Variants in SUMF1 observed in about 807,000 individuals in gnomAD.
SUMF1 encodes the protein sulfatase modifying factor 1.
In SUMF1, 48 loss-of-function variants were observed where a neutral mutation model predicts 47.6. That is an observed-to-expected ratio of 1.01 (90% CI 0.80 to 1.28). The LOEUF (loss-of-function observed/expected upper bound fraction) is 1.28, where lower values mean the gene tolerates loss of function less well. SUMF1 is among the 50% of genes most tolerant of loss of function. SUMF1 has a pLI of 0.00. For synonymous variants in SUMF1, 230 were observed against 192.1 expected (o/e 1.20, Z -1.63); for missense variants, 571 against 485.4 (o/e 1.18, Z -1.66).
In SUMF1 at chr3:4,404,694, G is replaced by A. The variant is rs528235149; in HGVS notation, c.954+6171C>T. On this transcript the variant is annotated intron_variant, in intron 7 of 8. Transcript: ENST00000272902. The stretch of plus-strand genomic sequence containing the variant: ...CAGGAGAATCGCTTGAACCCAGGAG[G>A]TGGAGGTTGCAGTGAGCTGAGATAG... Among the ~76,000 whole-genome samples the A allele has an allele frequency of 1.6e-4, 24 of 152,334 alleles. No homozygotes were observed. In the South Asian group the frequency reaches 4.8e-3, roughly 30 times the overall value.
chr3:4,383,250 A>G (rs975006215), intron 7 of SUMF1, among the ~76,000 whole-genome samples: 1 of 152,054 alleles, frequency 6.6e-6, no homozygotes, highest in Non-Finnish European at 1.5e-5. Context: ...GTGGTGGTAC[A>G]CACCTATAAT....
intron 8 of SUMF1, among the ~76,000 whole-genome samples, chr3:4,353,839 C>A (rs993412708): frequency 6.6e-6 from 1 of 150,624 alleles, no homozygotes; most frequent in African/African-American, 2.5e-5. Context: ...ACTTGGACAT[C>A]ATATTGATTT....
chr3:4,039,680 G>A (rs1694874232), intron 9 of SUMF1, among the ~76,000 whole-genome samples: 1 of 151,910 alleles, frequency 6.6e-6, no homozygotes, highest in South Asian at 2.1e-4. Flanking sequence ...GGTGAAGAAA[G>A]CTCAATATTC....
chr3:4,340,158 G>C (rs187282847), intron 8 of SUMF1, among the ~76,000 whole-genome samples: 3 of 151,862 alleles, frequency 2.0e-5, no homozygotes, highest in African/African-American at 7.3e-5. Flanking sequence ...CCCCAACTCC[G>C]GAGTTGTTAA....
At chr3:4,186,919 A>C (rs550316318) in intron 8 of SUMF1, among the ~76,000 whole-genome samples, 64 of 152,292 alleles carry the variant, frequency 4.2e-4, no homozygotes, top group African/African-American at 1.3e-3. Flanking sequence ...ATATACCCCA[A>C]AACCAGACAT....
intron 8 of SUMF1, among the ~76,000 whole-genome samples, chr3:4,350,052 G>A (rs1559237278): frequency 6.6e-6 from 1 of 150,444 alleles, no homozygotes; most frequent in Non-Finnish European, 1.5e-5. Flanking sequence ...CCAGGCTGGA[G>A]CGCAGTGGCA....
At chr3:4,221,414 G>GGTGTGTGTGTGT (rs113359661) in intron 8 of SUMF1, among the ~76,000 whole-genome samples, 5 of 148,092 alleles carry the variant, frequency 3.4e-5, no homozygotes, top group African/African-American at 1.2e-4. Flanking sequence ...GGTTTTTTGG[G>GGTGTGTGTGTGT]GTGTGTGTGT....
intron 9 of SUMF1, among the ~76,000 whole-genome samples, chr3:4,049,145 C>G (rs1459167118): frequency 3.9e-5 from 6 of 152,156 alleles, no homozygotes; most frequent in Non-Finnish European, 8.8e-5. Context: ...AGGTTTGTTT[C>G]TCACTTGCAC....
intron 8 of SUMF1, among the ~76,000 whole-genome samples, chr3:4,180,575 G>A (rs1236483897): frequency 1.3e-5 from 2 of 151,944 alleles, no homozygotes; most frequent in South Asian, 2.1e-4. Context: ...GATAGCATTA[G>A]GAGAAATATC....
rs2079976854 is a variant in SUMF1, at chr3:4,467,162, C to A, written c.84G>T (p.Leu28=). 2 of 1,603,092 alleles carry A rather than the reference C, an allele frequency of 1.2e-6. No homozygotes were observed. The highest frequency in any genetic ancestry group is 1.3e-5 in the African/African-American group (1 of 74,662). ...LVLLLLLLSL[L]CGAAGSQEAG... The stretch of plus-strand genomic sequence containing the variant: ...CCTCCTGGCTCCCTGCCGCTCCACA[C>A]AGCAGCGAGAGCAGCAGCAGCAAGA... The change falls in exon 1 of 9, where the codon CTG becomes CTT. Residue 28 remains leucine (L), a synonymous_variant. Coordinates refer to ENST00000272902, the MANE Select transcript of SUMF1 (RefSeq NM_182760.4).
At chr3:4,173,324 AATGAGACACCATCTC>A (rs778435767) in intron 8 of SUMF1, among the ~76,000 whole-genome samples, 32 of 152,204 alleles carry the variant, frequency 2.1e-4, no homozygotes, top group Non-Finnish European at 4.0e-4. Context: ...TCAAAACCAC[AATGAGACACCATCTC>A]ATGCCAGTTA....
intron 7 of SUMF1, among the ~76,000 whole-genome samples, chr3:4,386,853 T>A (rs770279250): frequency 1.4e-4 from 21 of 152,000 alleles, no homozygotes; most frequent in Admixed American, 5.2e-4. Flanking sequence ...TGCACTGATA[T>A]AATCATGTGG....
intron 8 of SUMF1, among the ~76,000 whole-genome samples, chr3:4,308,777 C>A (rs1279210787): frequency 1.3e-5 from 2 of 152,226 alleles, no homozygotes; most frequent in African/African-American, 4.8e-5. Flanking sequence ...CTAGTCTAAC[C>A]TCCTAATTGA....
chr3:4,404,618 G>A (rs543770108), intron 7 of SUMF1, among the ~76,000 whole-genome samples: 9 of 152,262 alleles, frequency 5.9e-5, no homozygotes, highest in Non-Finnish European at 8.8e-5. Context: ...TTAGCCAGGC[G>A]TGGTGACACA....
At chr3:4,240,976 T>C (rs1454145733) in intron 8 of SUMF1, among the ~76,000 whole-genome samples, 1 of 152,092 alleles carries the variant, frequency 6.6e-6, no homozygotes, top group African/African-American at 2.4e-5. Context: ...AGATACGATA[T>C]CCTTTCCTAA....
At chr3:4,036,906 C>G (rs1456504417) in intron 9 of SUMF1, among the ~76,000 whole-genome samples, 1 of 131,264 alleles carries the variant, frequency 7.6e-6, no homozygotes, top group East Asian at 2.1e-4. Flanking sequence ...GAGAATCATA[C>G]AGAACTAGGT....
At position 4,467,235 on chromosome 3, in the gene SUMF1, G is replaced by A; in HGVS notation, c.11C>T (p.Pro4Leu). MAA[P>L]ALGLVCGRCP... ...ACGTCCACACACCAGCCCTAGTGCGGGCGCAGCCATGTTGTCCCGCGGGCC... is the reference window on the plus strand; with the variant it reads ...ACGTCCACACACCAGCCCTAGTGCGAGCGCAGCCATGTTGTCCCGCGGGCC... The change falls in exon 1 of 9, where the codon CCC becomes CTC. Residue 4 changes from proline to leucine, a missense_variant. Pro to Leu is a moderately conservative substitution (Grantham distance 98, BLOSUM62 -3). Coordinates refer to ENST00000272902, the MANE Select transcript of SUMF1 (RefSeq NM_182760.4). 6.2e-7 allele frequency: 1 copy of A among 1,609,464 alleles called. No homozygotes were observed. The highest frequency in any genetic ancestry group is 8.5e-7 in the Non-Finnish European group (1 of 1,178,340).
rs182523509 is a variant in SUMF1, at chr3:4,244,882, T to C, written c.1014+131448A>G. The stretch of plus-strand genomic sequence containing the variant: ...ATTCTCCCCATACACCAGTCAAACA[T>C]AGATTTGGTCTTTTCACATAGTCCC... On this transcript the variant is annotated intron_variant and NMD_transcript_variant, in intron 8 of 12. Coordinates refer to the SUMF1 transcript ENST00000448413. Among the ~76,000 whole-genome samples the C allele has an allele frequency of 1.4e-4, 22 of 152,188 alleles. No homozygotes were observed. In the South Asian group the frequency reaches 2.1e-3, roughly 14 times the overall value.
chr3:4,038,645 C>T (rs1393331248), intron 9 of SUMF1, among the ~76,000 whole-genome samples: 1 of 152,122 alleles, frequency 6.6e-6, no homozygotes, highest in Admixed American at 6.5e-5. Context: ...GACTAGTCTA[C>T]TCTCCATATG....
Sources: gnomAD v4.1 joint callset for allele counts (sites outside exome capture counted in the v4.1 genomes callset) on GRCh38, gnomAD v4.1.1 for gene constraint, MANE v1.5 for transcripts, NCBI Gene and HGNC (gene_info 2026-07-23, HGNC 2026-07-21) for gene names.